The following BRWD3 variants were observed in gnomAD, a reference collection of about 807,000 sequenced individuals.
BRWD3 encodes the protein bromodomain and WD repeat-containing protein 3.
In BRWD3, 10 loss-of-function variants were observed where a neutral mutation model predicts 149.7. The observed-to-expected ratio is 0.07, with a 90% CI of 0.04 to 0.11. The LOEUF (loss-of-function observed/expected upper bound fraction) is 0.11, where lower values mean the gene tolerates loss of function less well. Ranked by LOEUF, BRWD3 falls within the 10% of genes least tolerant of loss-of-function variation. BRWD3 has a pLI of 1.00. For missense variants in BRWD3, 940 were observed against 1,373.2 expected (o/e 0.68, Z 4.99); for synonymous variants, 504 against 456.7 (o/e 1.10, Z -1.32).
At chrX:80,685,662 T>C (rs2072511335) in intron 35 of BRWD3, 126 bp from the exon 36 acceptor site, 1 of 539,250 alleles carries the variant, frequency 1.9e-6, no homozygotes, top group Non-Finnish European at 3.2e-6. Context: ...GGCTGTACTT[T>C]AAGGTGAAGG....
chrX:80,770,110 T>C (rs1238026250), intron 6 of BRWD3, among the ~76,000 whole-genome samples: 1 of 111,446 alleles, frequency 9.0e-6, no homozygotes, highest in Admixed American at 9.5e-5. Flanking sequence ...CAATAATTAA[T>C]AGCCTACCAA....
intron 7 of BRWD3, 80 bp downstream of exon 7, chrX:80,745,489 A>G: frequency 1.0e-6 from 1 of 964,442 alleles, no homozygotes; most frequent in Non-Finnish European, 1.4e-6. Context: ...CTGCTTACAA[A>G]GCACAATGCA....
At chrX:80,728,984 A>G (rs2073288048) in intron 13 of BRWD3, 79 bp from the exon 14 acceptor site, 2 of 880,656 alleles carry the variant, frequency 2.3e-6, no homozygotes, top group East Asian at 6.2e-5. Flanking sequence ...TTATGACAAA[A>G]TTTCTCCAGG....
rs765560059 is a variant in BRWD3 at position 80,809,723 on chromosome X, G to C, written c.-252C>G. ...AGGGAGAGAGAGAGTGAGTGAGTGA[G>C]AGAGAGAGAGAGAAGAGAGAGAGAG... is the stretch of plus-strand genomic sequence containing the variant. On this transcript the variant is annotated 5_prime_UTR_variant, in exon 1 of 41. Transcript: ENST00000373275. 1 of 258,260 alleles carries C rather than the reference G, an allele frequency of 3.9e-6. No homozygotes were observed. Among genetic ancestry groups the C allele is most frequent in the African/African-American group, 3.6e-5 (1 of 27,697 alleles). 21.3% of individuals were successfully genotyped at this position (258,260 alleles called of 1,213,427 possible).
At chrX:80,732,995 T>G (rs777912555) in intron 12 of BRWD3, among the ~76,000 whole-genome samples, 2 of 110,309 alleles carry the variant, frequency 1.8e-5, no homozygotes, top group African/African-American at 3.3e-5. Flanking sequence ...CCAGGTGTGG[T>G]GGCATGCACC....
At chrX:80,694,319 G>A (rs1208460910) in intron 27 of BRWD3, among the ~76,000 whole-genome samples, 4 of 111,878 alleles carry the variant, frequency 3.6e-5, no homozygotes, top group Admixed American at 9.4e-5. Context: ...GTCTGCTGCC[G>A]GGGCAGAGCC....
At position 80,735,118 on chromosome X, in the gene BRWD3, T is replaced by C; in HGVS notation, c.985+9A>G. ...CTAGATGCTCAAAACATTCCAGTTT[T>C]ACACATACCAGAACTGAAAGATGAA... On this transcript the variant is annotated intron_variant, in intron 10 of 40. Coordinates refer to ENST00000373275, the MANE Select transcript of BRWD3 (RefSeq NM_153252.5). 1.7e-6 allele frequency: 2 copies of C among 1,186,781 alleles called. No individual in the cohort carries two copies. The highest frequency in any genetic ancestry group is 2.3e-6 in the Non-Finnish European group (2 of 872,864).
At chrX:80,748,691 G>A (rs753256291) in intron 6 of BRWD3, among the ~76,000 whole-genome samples, 1,780 of 110,733 alleles carry the variant, frequency 0.016, 14 homozygotes, top group Non-Finnish European at 0.024. Flanking sequence ...CCAACTTTAA[G>A]ATTTGTTAAT....
intron 12 of BRWD3, 23 bp from the exon 13 acceptor site, chrX:80,730,043 T>C: frequency 1.9e-6 from 2 of 1,073,050 alleles, no homozygotes; most frequent in East Asian, 6.1e-5. Context: ...AAAATAACTT[T>C]ATTAATTTTC....
chrX:80,766,672 G>A (rs940934196), intron 6 of BRWD3, among the ~76,000 whole-genome samples: 4 of 111,938 alleles, frequency 3.6e-5, no homozygotes, highest in Non-Finnish European at 7.5e-5. Flanking sequence ...AACAGCTCCG[G>A]TCTGCAGCTC....
At chrX:80,751,544 A>T (rs2147799880) in intron 6 of BRWD3, among the ~76,000 whole-genome samples, 1 of 112,414 alleles carries the variant, frequency 8.9e-6, no homozygotes, top group South Asian at 3.7e-4. Flanking sequence ...GTACATAAGC[A>T]AAATACATTT....
intron 4 of BRWD3, among the ~76,000 whole-genome samples, chrX:80,797,247 G>A (rs2074247894): frequency 9.0e-6 from 1 of 111,459 alleles, no homozygotes. Flanking sequence ...GATAAACTGG[G>A]CTTCTGTTAT....
intron 6 of BRWD3, among the ~76,000 whole-genome samples, chrX:80,777,143 A>C (rs866368842): frequency 2.0e-5 from 2 of 101,861 alleles, no homozygotes; most frequent in Admixed American, 2.2e-4. Flanking sequence ...CACTCTTAAG[A>C]CCCCCCCCCA....
chrX:80,752,682 T>G (rs1323392944), intron 6 of BRWD3, among the ~76,000 whole-genome samples: 2 of 112,159 alleles, frequency 1.8e-5, no homozygotes, highest in Non-Finnish European at 1.9e-5. Flanking sequence ...TTTTTCTTTC[T>G]TTCTTGAGAT....
At chrX:80,683,734 CCTTT>C (rs1289933563) in intron 37 of BRWD3, among the ~76,000 whole-genome samples, 2 of 111,322 alleles carry the variant, frequency 1.8e-5, no homozygotes, top group African/African-American at 6.5e-5. Flanking sequence ...CTGTCAATCA[CCTTT>C]CTATTTATTA....
At chrX:80,776,442 T>G (rs774238873) in intron 6 of BRWD3, among the ~76,000 whole-genome samples, 2 of 112,428 alleles carry the variant, frequency 1.8e-5, no homozygotes, top group East Asian at 5.6e-4. Context: ...AGGAAAGTCC[T>G]TAAGTAAAAT....
chrX:80,718,682 A>G (rs1229642572), intron 18 of BRWD3, among the ~76,000 whole-genome samples: 1 of 111,730 alleles, frequency 9.0e-6, no homozygotes, highest in Non-Finnish European at 1.9e-5. Flanking sequence ...TGAGTAAAAT[A>G]CCCTGTGAAT....
At position 80,676,314 on chromosome X, in the gene BRWD3, AGTGTCTGTGTTGTGTTTCGTGTGTGT is replaced by A; in HGVS notation, c.*269_*294del. The A allele has an allele frequency of 3.1e-6, 1 of 321,013 alleles. No homozygotes were observed. Among genetic ancestry groups the A allele is most frequent in the Non-Finnish European group, 5.4e-6 (1 of 185,345 alleles). The allele number at this position is 321,013 out of a possible 1,213,427, so 26.5% of individuals were successfully genotyped here. A position where few individuals can be genotyped will look rare whatever the true frequency, so the allele number is the denominator to read the frequency against. On this transcript the variant is annotated 3_prime_UTR_variant, in exon 41 of 41. Coordinates refer to ENST00000373275, the MANE Select transcript of BRWD3 (RefSeq NM_153252.5). ...TGCTCCTTTAATGTAGTAAATCTGT[AGTGTCTGTGTTGTGTTTCGTGTGTGT>A]GTGTCTGTGTGTGTGTATGTGTGTG...
intron 6 of BRWD3, among the ~76,000 whole-genome samples, chrX:80,765,224 G>C (rs1177667162): frequency 8.9e-6 from 1 of 111,853 alleles, no homozygotes; most frequent in African/African-American, 3.3e-5. Context: ...ATCACTTAAA[G>C]CAAGTATCCA....
Sources: gnomAD v4.1 joint callset for allele counts (sites outside exome capture counted in the v4.1 genomes callset) on GRCh38, gnomAD v4.1.1 for gene constraint, MANE v1.5 for transcripts, NCBI Gene and HGNC (gene_info 2026-07-23, HGNC 2026-07-21) for gene names.